Variants in COL22A1 observed in about 807,000 individuals in gnomAD.
COL22A1 encodes collagen alpha-1(XXII) chain.
A neutral mutation model predicts 248.9 loss-of-function variants in COL22A1; 221 were observed. That is an observed-to-expected ratio of 0.89 (90% CI 0.80 to 0.99). The LOEUF (loss-of-function observed/expected upper bound fraction) is 0.99. COL22A1 is among the 50% of genes least tolerant of loss of function. The probability of loss-of-function intolerance (pLI) is 0.00; values close to 1 mark genes in which losing one functional copy is unlikely to be tolerated. For synonymous variants in COL22A1, 891 were observed against 793.4 expected (o/e 1.12, Z -2.07); for missense variants, 2,240 against 2,179.0 (o/e 1.03, Z -0.56).
chr8:138,781,384 C>T (rs962023489), intron 12 of COL22A1, among the ~76,000 whole-genome samples: 2 of 152,140 alleles, frequency 1.3e-5, no homozygotes, highest in African/African-American at 2.4e-5. Flanking sequence ...CTGGATGAGC[C>T]TTTGCTATGG....
At chr8:138,768,769 C>T in intron 16 of COL22A1, among the ~76,000 whole-genome samples, 1 of 152,056 alleles carries the variant, frequency 6.6e-6, no homozygotes, top group East Asian at 1.9e-4. Context: ...AACCCTGTCT[C>T]TACTAAAAAT....
chr8:138,658,948 G>A (rs1173745342), intron 44 of COL22A1, among the ~76,000 whole-genome samples: 1 of 151,814 alleles, frequency 6.6e-6, no homozygotes, highest in African/African-American at 2.4e-5. Flanking sequence ...CCGCCTGAGA[G>A]ACAATCATGA....
intron 4 of COL22A1, among the ~76,000 whole-genome samples, chr8:138,840,278 C>A (rs1174976521): frequency 6.6e-6 from 1 of 152,076 alleles, no homozygotes; most frequent in African/African-American, 2.4e-5. Context: ...GTAGATAAAG[C>A]AGGTTCTCTG....
rs1334109349 is a variant in COL22A1, at chr8:138,722,036, C to T, written c.2301G>A (p.Lys767=). ...GGTGCCAACCGCATCAGTGACCAAC[C>T]TTGGTTCCTGGCGGACCTGGTGGTC... ...PNGPPGPPGT[K]GEPGERGEDG... The change falls in exon 26 of 65, where the codon AAG becomes AAA. Residue 767 remains lysine (K), a splice_region_variant and synonymous_variant. Coordinates refer to ENST00000303045, the MANE Select transcript of COL22A1 (RefSeq NM_152888.3). The T allele has an allele frequency of 6.4e-7, 1 of 1,573,612 alleles. No individual in the cohort carries two copies. Among genetic ancestry groups the T allele is most frequent in the South Asian group, 1.2e-5 (1 of 85,700 alleles).
chr8:138,602,015 G>T, intron 60 of COL22A1, 100 bp downstream of exon 60: 2 of 1,280,228 alleles, frequency 1.6e-6, no homozygotes, highest in Non-Finnish European at 1.1e-6. Context: ...CCAGGCGGGT[G>T]TTTACTAACT....
intron 22 of COL22A1, among the ~76,000 whole-genome samples, chr8:138,745,964 T>C (rs536695296): frequency 6.6e-6 from 1 of 152,300 alleles, no homozygotes. Context: ...CTTCTCTATC[T>C]CTCTGCCTGG....
intron 3 of COL22A1, among the ~76,000 whole-genome samples, chr8:138,859,868 G>A (rs1168870544): frequency 2.0e-5 from 3 of 147,388 alleles, no homozygotes; most frequent in Admixed American, 1.4e-4. Context: ...GCCCATCCCC[G>A]CACCTTGAGA....
intron 23 of COL22A1, among the ~76,000 whole-genome samples, chr8:138,734,966 T>C (rs1253079547): frequency 6.6e-6 from 1 of 151,892 alleles, no homozygotes; most frequent in Non-Finnish European, 1.5e-5. Flanking sequence ...AGTTGAACAA[T>C]GAGAACACAT....
At position 138,800,318 on chromosome 8, in the gene COL22A1, C is replaced by T. The variant is rs867369552; in HGVS notation, c.1557+2554G>A. 1.4e-4 allele frequency among the ~76,000 whole-genome samples: 22 copies of T among 152,260 alleles called. No individual in the cohort carries two copies. In the South Asian group the frequency reaches 1.9e-3, roughly 13 times the overall value. ...GTGAATGGGGGTTGGGGAGAGGAAG[C>T]GAGCCCTATCCCTTGGCTGCATCTG... is the stretch of plus-strand genomic sequence containing the variant. On this transcript the variant is annotated intron_variant, in intron 11 of 64. Transcript: ENST00000303045.
chr8:138,649,332 C>T (rs1293366094), intron 46 of COL22A1, among the ~76,000 whole-genome samples: 2 of 152,042 alleles, frequency 1.3e-5, no homozygotes, highest in Non-Finnish European at 2.9e-5. Context: ...GTGCCTATTA[C>T]ATAGTAGATA....
At position 138,807,794 on chromosome 8, in the gene COL22A1, C is replaced by T; in HGVS notation, c.1468G>A (p.Gly490Ser). 1 of 1,613,994 alleles carries T rather than the reference C, an allele frequency of 6.2e-7. No homozygotes were observed. The highest frequency in any genetic ancestry group is 1.7e-4 in the Middle Eastern group (1 of 6,058). The change falls in exon 10 of 65, where the codon GGC becomes AGC. Residue 490 changes from glycine (G) to serine (S), a missense_variant. Transcript: ENST00000303045. ...TTTGGACCAGGGAGCCCCATGGGGC[C>T]AGCAACTCCCATTTCACCCTAAAAG... ...AGEKGEMGVAGPMGLPGPKGD... is the reference protein window; with the variant it reads ...AGEKGEMGVASPMGLPGPKGD...
At chr8:138,617,465 G>A (rs964711086) in intron 53 of COL22A1, among the ~76,000 whole-genome samples, 1 of 152,108 alleles carries the variant, frequency 6.6e-6, no homozygotes, top group South Asian at 2.1e-4. Context: ...CCATAGTGCT[G>A]GGGTCTCCTT....
chr8:138,862,055 A>G (rs1193783251), intron 3 of COL22A1, among the ~76,000 whole-genome samples: 4 of 150,900 alleles, frequency 2.7e-5, no homozygotes. Context: ...AAAGAAAAAA[A>G]GAAAAAAAGA....
Position 138,594,229 on chromosome 8 carries a change from T to G in COL22A1, c.4433-30A>C. 1.9e-6 allele frequency: 3 copies of G among 1,554,116 alleles called. No homozygotes were observed. The South Asian group carries it at 3.6e-5, about 19-fold the overall frequency. ...AAAGTAGAAAAAGAGAGGCATTTCA[T>G]GAAGAACAGATAGTGGACATAGGAC... is the stretch of plus-strand genomic sequence containing the variant. On this transcript the variant is annotated intron_variant, in intron 62 of 64. Transcript: ENST00000303045.
At chr8:138,652,775 C>A in intron 45 of COL22A1, among the ~76,000 whole-genome samples, 1 of 57,442 alleles carries the variant, frequency 1.7e-5, no homozygotes, top group South Asian at 6.0e-4. Flanking sequence ...GAGACAGAGT[C>A]TTGCTCTGTC....
intron 1 of COL22A1, among the ~76,000 whole-genome samples, chr8:138,886,808 G>C (rs1257573742): frequency 1.3e-5 from 2 of 152,240 alleles, no homozygotes; most frequent in Non-Finnish European, 2.9e-5. Context: ...AGTCTCAGCT[G>C]TGAGTGGTCA....
At chr8:138,766,434 G>A (rs1291203269) in intron 16 of COL22A1, among the ~76,000 whole-genome samples, 1 of 150,134 alleles carries the variant, frequency 6.7e-6, no homozygotes, top group Non-Finnish European at 1.5e-5. Context: ...AAGTGAGAAA[G>A]AGAAGAGTGG....
chr8:138,660,480 C>A lies in COL22A1; in HGVS notation c.3241G>T (p.Gly1081Cys). The change falls in exon 44 of 65, where the codon GGT becomes TGT. Residue 1081 changes from glycine (G) to cysteine (C), a missense_variant and splice_region_variant. By Grantham distance (159) the Gly-to-Cys change is radical. Transcript: ENST00000303045. ...PGPQGPAGRD[G>C]APGNPGERGP... The stretch of plus-strand genomic sequence containing the variant: ...CTTTCTCCTGGATTTCCTGGTGCAC[C>A]CTAAGAGAAGAAGGAAATAAAACAT... 4 of 1,613,472 alleles carry A rather than the reference C, an allele frequency of 2.5e-6. No individual in the cohort carries two copies. The highest frequency in any genetic ancestry group is 3.4e-6 in the Non-Finnish European group (4 of 1,179,460).
At chr8:138,833,916 T>G (rs368887112) in intron 4 of COL22A1, among the ~76,000 whole-genome samples, 1 of 152,178 alleles carries the variant, frequency 6.6e-6, no homozygotes, top group African/African-American at 2.4e-5. Context: ...ACAGCAATGA[T>G]GCCTACTGGG....
Sources: allele counts gnomAD v4.1 joint callset (sites outside exome capture counted in the v4.1 genomes callset), GRCh38; gene constraint gnomAD v4.1.1; transcripts MANE v1.5; gene names NCBI Gene and HGNC (gene_info 2026-07-23, HGNC 2026-07-21).